RPGRIP1: variants seen among roughly 807,000 people sequenced by gnomAD.
RPGRIP1 encodes the protein X-linked retinitis pigmentosa GTPase regulator-interacting protein 1.
In RPGRIP1, 128 loss-of-function variants were observed where a neutral mutation model predicts 157.9. The observed-to-expected ratio is 0.81, with a 90% CI of 0.70 to 0.94. RPGRIP1 has a LOEUF of 0.94. Among genes scored for constraint, RPGRIP1 ranks in the 40% least tolerant of loss-of-function variants. The probability of loss-of-function intolerance (pLI) is 0.00; values close to 1 mark genes in which losing one functional copy is unlikely to be tolerated. For missense variants in RPGRIP1, 1,486 were observed against 1,545.8 expected (o/e 0.96, Z 0.65); for synonymous variants, 554 against 571.6 (o/e 0.97, Z 0.44).
rs758992207 is a variant in RPGRIP1 at position 21,311,855 on chromosome 14, CCCT to C, written c.967_969del (p.Leu323del). 1.2e-5 allele frequency: 19 copies of C among 1,609,930 alleles called. 1 individual carries two copies. Among genetic ancestry groups the C allele is most frequent in the South Asian group, 5.6e-5 (5 of 90,032 alleles). On this transcript the variant is annotated inframe_deletion, in exon 9 of 25. Transcript: ENST00000400017. Reference sequence around the variant, plus strand: ...GGAATCCTGAGTGCAGCCCATGAGGCCCTCCTCAAGCAAGTGAATGAGCTCAGG... The same window carrying C: ...GGAATCCTGAGTGCAGCCCATGAGGCCCTCAAGCAAGTGAATGAGCTCAGG...
intron 24 of RPGRIP1, among the ~76,000 whole-genome samples, chr14:21,349,276 C>G (rs1394354980): frequency 1.3e-5 from 2 of 151,242 alleles, no homozygotes; most frequent in East Asian, 2.0e-4. Flanking sequence ...CACCATGTTG[C>G]CCAGGCTGGT....
chr14:21,286,793 A>G (rs1880314599), intron 1 of RPGRIP1, among the ~76,000 whole-genome samples: 1 of 152,034 alleles, frequency 6.6e-6, no homozygotes, highest in African/African-American at 2.4e-5. Flanking sequence ...AAAAACAGAA[A>G]ACAAAATTGT....
At chr14:21,297,834 A>ATTCTTTCTCTCTTTCTTTCTTTCTTTCT (rs1555365052) in intron 3 of RPGRIP1, among the ~76,000 whole-genome samples, 1 of 133,216 alleles carries the variant, frequency 7.5e-6, no homozygotes, top group African/African-American at 3.1e-5. Flanking sequence ...TCAATAAATT[A>ATTCTTTCTCTCTTTCTTTCTTTCTTTCT]TTCTTTCTTT....
At chr14:21,287,119 C>T (rs1880328213) in intron 1 of RPGRIP1, among the ~76,000 whole-genome samples, 1 of 151,816 alleles carries the variant, frequency 6.6e-6, no homozygotes, top group African/African-American at 2.4e-5. Flanking sequence ...AGAAAGAGGC[C>T]AGGTGTGGTG....
At chr14:21,326,435 T>C (rs1273154665) in intron 17 of RPGRIP1, among the ~76,000 whole-genome samples, 1 of 152,182 alleles carries the variant, frequency 6.6e-6, no homozygotes, top group Admixed American at 6.5e-5. Flanking sequence ...ATTCTATACC[T>C]CTGTATCTGA....
chr14:21,344,995 C>A (rs1220608503), intron 22 of RPGRIP1, 118 bp from the exon 23 acceptor site: 3 of 689,598 alleles, frequency 4.4e-6, no homozygotes, highest in East Asian at 5.5e-5. Context: ...TATTCTAGAT[C>A]CAGGCAAGGA....
At chr14:21,344,147 T>C (rs1048311311) in intron 22 of RPGRIP1, among the ~76,000 whole-genome samples, 2 of 152,090 alleles carry the variant, frequency 1.3e-5, no homozygotes, top group Non-Finnish European at 2.9e-5. Flanking sequence ...AATTGTATCA[T>C]AATTTTTATT....
intron 11 of RPGRIP1, 193 bp downstream of exon 11, chr14:21,318,043 T>G: frequency 1.4e-6 from 1 of 700,568 alleles, no homozygotes; most frequent in Non-Finnish European, 2.6e-6. Context: ...TACCTACCTC[T>G]CATGTATACT....
chr14:21,342,609 G>C (rs1276898440), intron 21 of RPGRIP1, among the ~76,000 whole-genome samples: 1 of 151,922 alleles, frequency 6.6e-6, no homozygotes, highest in Admixed American at 6.6e-5. Flanking sequence ...TAATCATCGG[G>C]TACAAGCACA....
chr14:21,281,057 C>G (rs114035262), intron 1 of RPGRIP1, among the ~76,000 whole-genome samples: 1 of 150,034 alleles, frequency 6.7e-6, no homozygotes, highest in Non-Finnish European at 1.5e-5. Flanking sequence ...CTCTCTCTCT[C>G]GTGAGGCTGG....
At chr14:21,315,633 CAGTGTGGGG>C (rs1881750038) in intron 10 of RPGRIP1, among the ~76,000 whole-genome samples, 1 of 151,966 alleles carries the variant, frequency 6.6e-6, no homozygotes, top group African/African-American at 2.4e-5. Flanking sequence ...TGAAATAAAG[CAGTGTGGGG>C]AGTATCCACT....
intron 17 of RPGRIP1, among the ~76,000 whole-genome samples, chr14:21,326,521 C>T (rs1296011152): frequency 6.6e-6 from 1 of 152,096 alleles, no homozygotes; most frequent in Non-Finnish European, 1.5e-5. Flanking sequence ...AGACATGCGC[C>T]ACCACACCCG....
chr14:21,283,530 T>C (rs1010307269), intron 1 of RPGRIP1, among the ~76,000 whole-genome samples: 1 of 152,182 alleles, frequency 6.6e-6, no homozygotes, highest in African/African-American at 2.4e-5. Context: ...CTCAAACTCC[T>C]GACCTTGTGA....
intron 5 of RPGRIP1, chr14:21,302,877 T>TG (rs1881099079): frequency 5.3e-6 from 1 of 188,692 alleles, no homozygotes; most frequent in East Asian, 1.2e-4. Context: ...TTTTTTTTTT[T>TG]TTTTTTTTTT....
At position 21,325,299 on chromosome 14, in the gene RPGRIP1, C is replaced by A; in HGVS notation, c.2283C>A (p.Ser761Arg). The change falls in exon 16 of 25, where the codon AGC becomes AGA. Residue 761 changes from serine to arginine, a missense_variant. Coordinates refer to ENST00000400017, the MANE Select transcript of RPGRIP1 (RefSeq NM_020366.4). ...WMRLRFPIKPSLQACNKRKKA... is the reference protein window; with the variant it reads ...WMRLRFPIKPRLQACNKRKKA... ...GGCTGCGTTTCCCCATAAAACCCAG[C>A]CTACAGGCGTGCAATAAACGAAAGA... 1 of 1,612,618 alleles carries A rather than the reference C, an allele frequency of 6.2e-7. No homozygotes were observed. Among genetic ancestry groups the A allele is most frequent in the Admixed American group, 1.7e-5 (1 of 59,698 alleles).
intron 1 of RPGRIP1, among the ~76,000 whole-genome samples, chr14:21,282,610 T>TA (rs1880171933): frequency 7.1e-6 from 1 of 140,900 alleles, no homozygotes; most frequent in Admixed American, 7.1e-5. Flanking sequence ...ATTCCATTTT[T>TA]TTTTTTTTTT....
rs765001696 is a variant in RPGRIP1, at chr14:21,328,515, AG to A, written c.2988del (p.Glu996AspfsTer5). 2 of 1,613,716 alleles carry A rather than the reference AG, an allele frequency of 1.2e-6. No homozygotes were observed. Among genetic ancestry groups the A allele is most frequent in the Admixed American group, 3.3e-5 (2 of 60,006 alleles). On this transcript the variant is annotated frameshift_variant, in exon 19 of 25. Transcript: ENST00000400017. LOFTEE classifies it high-confidence loss of function. ...PPHGGERKEK[E>X]HQVVSYSRRK... ...CATGGGGGAGAAAGAAAGGAGAAGG[AG>A]CACCAGGTTGTGAGCTACTCAAGAA...
intron 17 of RPGRIP1, 67 bp downstream of exon 17, chr14:21,326,240 C>T (rs930337303): frequency 9.3e-7 from 1 of 1,071,584 alleles, no homozygotes; most frequent in African/African-American, 1.6e-5. Context: ...CCTGATTCTA[C>T]TTTTCTTTGA....
intron 6 of RPGRIP1, among the ~76,000 whole-genome samples, chr14:21,304,395 GAAAGAAAGAA>G (rs1881195401): frequency 1.8e-4 from 6 of 32,642 alleles, no homozygotes; most frequent in East Asian, 7.8e-4. Context: ...GAGAGAGAAA[GAAAGAAAGAA>G]AGAAAGAAAG....
Sources: gnomAD v4.1 joint callset for allele counts (sites outside exome capture counted in the v4.1 genomes callset) on GRCh38, gnomAD v4.1.1 for gene constraint, MANE v1.5 for transcripts, NCBI Gene and HGNC (gene_info 2026-07-23, HGNC 2026-07-21) for gene names.